Variants in CEMIP observed in about 807,000 individuals in gnomAD.
The protein encoded by CEMIP is cell migration inducing hyaluronidase 1.
CEMIP carries 105 observed loss-of-function variants against 156.9 expected under a neutral mutation model. The ratio of observed to expected loss-of-function variants is 0.67; its 90% CI spans 0.57 to 0.79. The LOEUF (loss-of-function observed/expected upper bound fraction) is 0.79. Among genes scored for constraint, CEMIP ranks in the 30% least tolerant of loss-of-function variants. CEMIP has a pLI of 0.00. For missense variants in CEMIP, 1,457 were observed against 1,769.4 expected (o/e 0.82, Z 3.17); for synonymous variants, 676 against 668.4 (o/e 1.01, Z -0.17).
chr15:80,936,912 T>C, intron 24 of CEMIP, 27 bp downstream of exon 24: 1 of 1,606,374 alleles, frequency 6.2e-7, no homozygotes, highest in Non-Finnish European at 8.5e-7. Flanking sequence ...CCAGGAGCAG[T>C]GAGCTCAAAG....
At chr15:80,869,559 A>G (rs577562124) in intron 1 of CEMIP, among the ~76,000 whole-genome samples, 4 of 152,318 alleles carry the variant, frequency 2.6e-5, no homozygotes, top group Admixed American at 6.5e-5. Flanking sequence ...AGATTGTGCT[A>G]TCCTGTCAAT....
At chr15:80,826,883 T>G (rs1222074149) in intron 1 of CEMIP, among the ~76,000 whole-genome samples, 2 of 152,208 alleles carry the variant, frequency 1.3e-5, no homozygotes, top group Non-Finnish European at 1.5e-5. Flanking sequence ...GGTTTGAGTT[T>G]TCACCTTCTG....
At chr15:80,893,437 G>C (rs2141854534) in intron 10 of CEMIP, among the ~76,000 whole-genome samples, 1 of 152,202 alleles carries the variant, frequency 6.6e-6, no homozygotes, top group African/African-American at 2.4e-5. Context: ...TGTTCTCCTG[G>C]AATTATTGTT....
At position 80,879,004 on chromosome 15, in the gene CEMIP, T is replaced by C. The variant is rs1009123559; in HGVS notation, c.241+137T>C. ...GGGTTCATGTTGGCATTTGGTTGTCTGAGATAACCATCAGCTCTGAGCTGT... is the reference window on the plus strand; with the variant it reads ...GGGTTCATGTTGGCATTTGGTTGTCCGAGATAACCATCAGCTCTGAGCTGT... On this transcript the variant is annotated intron_variant, in intron 4 of 29. Coordinates refer to ENST00000394685, the MANE Select transcript of CEMIP (RefSeq NM_001293298.2). 2.4e-5 allele frequency: 27 copies of C among 1,139,052 alleles called. No individual in the cohort carries two copies. The African/African-American group carries it at 3.6e-4, about 15-fold the overall frequency. 70.6% of individuals were successfully genotyped at this position (1,139,052 alleles called of 1,614,324 possible). A position where few individuals can be genotyped will look rare whatever the true frequency, so the allele number is the denominator to read the frequency against.
At chr15:80,810,672 C>A (rs982892157) in intron 1 of CEMIP, among the ~76,000 whole-genome samples, 17 of 152,312 alleles carry the variant, frequency 1.1e-4, no homozygotes, top group African/African-American at 3.6e-4. Context: ...GTTCTTTAAA[C>A]TTGTACTTAA....
At chr15:80,855,125 T>C (rs1897819376) in intron 1 of CEMIP, among the ~76,000 whole-genome samples, 1 of 152,222 alleles carries the variant, frequency 6.6e-6, no homozygotes, top group Non-Finnish European at 1.5e-5. Flanking sequence ...GGTTTGAGGC[T>C]GCAGTGAGAT....
intron 28 of CEMIP, chr15:80,946,639 G>A (rs1046951092): frequency 2.8e-5 from 10 of 351,490 alleles, no homozygotes; most frequent in East Asian, 1.2e-4. Context: ...ACTGTGTGCC[G>A]AGCCCTGGCA....
chr15:80,900,779 G>A (rs1412300712), intron 12 of CEMIP: 4 of 351,810 alleles, frequency 1.1e-5, no homozygotes, highest in African/African-American at 8.6e-5. Context: ...CTGTTGACAG[G>A]ATCAAGGATT....
At chr15:80,833,080 T>C (rs1897192954) in intron 1 of CEMIP, among the ~76,000 whole-genome samples, 1 of 152,210 alleles carries the variant, frequency 6.6e-6, no homozygotes. Flanking sequence ...TTCTGCTCCA[T>C]TCTGGTGATT....
chr15:80,840,647 T>A (rs965722928), intron 1 of CEMIP, among the ~76,000 whole-genome samples: 1 of 152,126 alleles, frequency 6.6e-6, no homozygotes, highest in African/African-American at 2.4e-5. Flanking sequence ...GCTGGACTGC[T>A]GGGTGTCCCT....
intron 23 of CEMIP, among the ~76,000 whole-genome samples, chr15:80,936,136 A>G (rs1901111697): frequency 6.6e-6 from 1 of 152,226 alleles, no homozygotes; most frequent in African/African-American, 2.4e-5. Flanking sequence ...TTCCTCTGAA[A>G]TGAGGCACCA....
intron 1 of CEMIP, among the ~76,000 whole-genome samples, chr15:80,842,603 G>A (rs772175499): frequency 1.3e-5 from 2 of 152,092 alleles, no homozygotes; most frequent in Non-Finnish European, 2.9e-5. Context: ...GTGGTGGCAG[G>A]CATCTGTAAT....
At chr15:80,885,199 T>C (rs1472313695) in intron 7 of CEMIP, among the ~76,000 whole-genome samples, 1 of 152,198 alleles carries the variant, frequency 6.6e-6, no homozygotes, top group Non-Finnish European at 1.5e-5. Context: ...GTCCCATGGC[T>C]GTTTAGAGAT....
In CEMIP at chr15:80,920,140, C is replaced by T. The variant is rs770090580; in HGVS notation, c.1844C>T (p.Thr615Met). The T allele has an allele frequency of 1.8e-5, 29 of 1,614,102 alleles. No homozygotes were observed. Among genetic ancestry groups the T allele is most frequent in the Middle Eastern group, 3.3e-4 (2 of 6,084 alleles). Residue 615 changes from threonine to methionine, a missense_variant, in exon 15 of 30, where the codon ACG becomes ATG. This residue lies in a region of CEMIP where 798 missense variants were observed against 980.1 expected (regional missense o/e 0.81). Transcript: ENST00000394685. Reference sequence around the variant, plus strand: ...AACTCTTTGGGCCACTGCTTCTTCACGGAAGATGGGCCGGAGGAACGCAAC... The same window carrying T: ...AACTCTTTGGGCCACTGCTTCTTCATGGAAGATGGGCCGGAGGAACGCAAC... Reference protein sequence around the residue: ...GYNSLGHCFFTEDGPEERNTF... With the variant: ...GYNSLGHCFFMEDGPEERNTF...
intron 23 of CEMIP, among the ~76,000 whole-genome samples, chr15:80,935,184 G>C (rs750132112): frequency 1.3e-5 from 2 of 152,196 alleles, no homozygotes; most frequent in Non-Finnish European, 1.5e-5. Flanking sequence ...GTGAGTGGTT[G>C]ATATGATGAT....
intron 1 of CEMIP, among the ~76,000 whole-genome samples, chr15:80,845,050 A>G (rs1283272876): frequency 6.6e-6 from 1 of 152,254 alleles, no homozygotes; most frequent in Non-Finnish European, 1.5e-5. Flanking sequence ...ATCCATAAAT[A>G]TTATCCATAT....
chr15:80,909,933 A>C (rs867264423), intron 14 of CEMIP, among the ~76,000 whole-genome samples: 1 of 152,194 alleles, frequency 6.6e-6, no homozygotes, highest in Non-Finnish European at 1.5e-5. Flanking sequence ...TAGCAACCAG[A>C]TATGTTTTGT....
chr15:80,844,044 A>G (rs899830241), intron 1 of CEMIP, among the ~76,000 whole-genome samples: 9 of 152,218 alleles, frequency 5.9e-5, no homozygotes, highest in African/African-American at 2.2e-4. Flanking sequence ...TTCACTCTCC[A>G]TGGGGGCTGC....
intron 1 of CEMIP, among the ~76,000 whole-genome samples, chr15:80,861,697 A>G (rs1241952009): frequency 1.3e-5 from 2 of 152,254 alleles, no homozygotes; most frequent in East Asian, 3.8e-4. Context: ...GTAGGCACAC[A>G]TAGAATAACT....
Sources: allele counts gnomAD v4.1 joint callset (sites outside exome capture counted in the v4.1 genomes callset), GRCh38; gene constraint gnomAD v4.1.1; regional missense constraint gnomAD v4.1.1; transcripts MANE v1.5; gene names NCBI Gene and HGNC (gene_info 2026-07-23, HGNC 2026-07-21).